The following COL25A1 variants were observed in gnomAD, a reference collection of about 807,000 sequenced individuals.
COL25A1 encodes the protein collagen alpha-1(XXV) chain.
Under a neutral mutation model 128.4 loss-of-function variants are expected in COL25A1, and 103 were observed. The observed-to-expected ratio is 0.80, with a 90% CI of 0.68 to 0.94. The LOEUF (loss-of-function observed/expected upper bound fraction) is 0.94. COL25A1 is among the 40% of genes least tolerant of loss of function. COL25A1 has a pLI of 0.00. For synonymous variants in COL25A1, 279 were observed against 277.2 expected (o/e 1.01, Z -0.06); for missense variants, 745 against 840.0 (o/e 0.89, Z 1.40).
At chr4:108,999,031 A>T (rs534881293) in intron 6 of COL25A1, among the ~76,000 whole-genome samples, 374 of 152,276 alleles carry the variant, frequency 2.5e-3, no homozygotes, top group African/African-American at 8.6e-3. Flanking sequence ...AACCTAAGCA[A>T]TACCATTGAG....
At chr4:109,157,491 C>G (rs1423718406) in intron 3 of COL25A1, among the ~76,000 whole-genome samples, 2 of 152,096 alleles carry the variant, frequency 1.3e-5, no homozygotes, top group Non-Finnish European at 2.9e-5. Flanking sequence ...TTCACCTGTA[C>G]TATTTCATAA....
At chr4:109,158,162 T>C (rs1031146775) in intron 3 of COL25A1, among the ~76,000 whole-genome samples, 37 of 152,328 alleles carry the variant, frequency 2.4e-4, no homozygotes, top group African/African-American at 8.9e-4. Flanking sequence ...ATCCAGCCTA[T>C]GGAGAGTTAT....
At position 109,160,880 on chromosome 4, in the gene COL25A1, G is replaced by C. The variant is rs925154270; in HGVS notation, c.368-110701C>G. Among the ~76,000 whole-genome samples, 31 of 151,980 alleles carry C rather than the reference G, an allele frequency of 2.0e-4. No individual in the cohort carries two copies. The East Asian group carries it at 6.0e-3, about 29-fold the overall frequency. ...TACCAACCTACATATTATGTAATTGGCTTATTTCCTTTTATTATAACAATA... is the reference window on the plus strand; with the variant it reads ...TACCAACCTACATATTATGTAATTGCCTTATTTCCTTTTATTATAACAATA... On this transcript the variant is annotated intron_variant, in intron 3 of 37. Transcript: ENST00000399132.
chr4:109,148,760 G>A (rs1342787097), intron 3 of COL25A1, among the ~76,000 whole-genome samples: 4 of 152,054 alleles, frequency 2.6e-5, no homozygotes, highest in Non-Finnish European at 5.9e-5. Flanking sequence ...TCCCACTCTG[G>A]CTTTAACCTC....
At chr4:109,138,711 TTTTTTG>T (rs1350633332) in intron 3 of COL25A1, among the ~76,000 whole-genome samples, 2 of 151,654 alleles carry the variant, frequency 1.3e-5, no homozygotes, top group Non-Finnish European at 1.5e-5. Context: ...TTGTTTTTTG[TTTTTTG>T]TTTTTTTTGA....
chr4:108,820,698 TACTC>T (rs1182181623), intron 35 of COL25A1, among the ~76,000 whole-genome samples: 1 of 149,774 alleles, frequency 6.7e-6, no homozygotes, highest in Non-Finnish European at 1.5e-5. Flanking sequence ...GTTTCCAGCT[TACTC>T]ACAATGTAAC....
intron 3 of COL25A1, among the ~76,000 whole-genome samples, chr4:109,085,186 T>C (rs1764242006): frequency 6.6e-6 from 1 of 152,148 alleles, no homozygotes; most frequent in Non-Finnish European, 1.5e-5. Context: ...TCCATCACCA[T>C]TACCGGACTG....
chr4:108,971,129 G>T (rs1226542720), intron 8 of COL25A1, among the ~76,000 whole-genome samples: 2 of 152,030 alleles, frequency 1.3e-5, no homozygotes. Flanking sequence ...CATTTAAAAT[G>T]AAAGAATTTT....
intron 3 of COL25A1, among the ~76,000 whole-genome samples, chr4:109,170,962 T>G (rs1307381999): frequency 1.3e-5 from 2 of 152,148 alleles, no homozygotes; most frequent in Admixed American, 1.3e-4. Flanking sequence ...GTAGAGGCAC[T>G]TCCCACAGGA....
intron 3 of COL25A1, among the ~76,000 whole-genome samples, chr4:109,170,427 T>C (rs566525944): frequency 1.3e-5 from 2 of 152,116 alleles, no homozygotes; most frequent in Admixed American, 1.3e-4. Context: ...TTTCAGGAGT[T>C]TGAACACCAA....
At position 108,974,257 on chromosome 4, in the gene COL25A1, A is replaced by G. The variant is rs1183766284; in HGVS notation, c.492+110T>C. ...AAGTGGTATGGTATTTTTGCCAGCC[A>G]TTACTGAACCATGTGGCACAAAGGC... On this transcript the variant is annotated intron_variant, in intron 8 of 37. Coordinates refer to ENST00000399132, the MANE Select transcript of COL25A1 (RefSeq NM_198721.4). The G allele has an allele frequency of 2.1e-5, 24 of 1,130,978 alleles. No individual in the cohort carries two copies. The East Asian group carries it at 5.5e-4, about 26-fold the overall frequency. 70.1% of individuals were successfully genotyped at this position (1,130,978 alleles called of 1,614,324 possible).
intron 8 of COL25A1, among the ~76,000 whole-genome samples, chr4:108,950,515 G>A (rs1749286607): frequency 6.6e-6 from 1 of 152,114 alleles, no homozygotes; most frequent in African/African-American, 2.4e-5. Flanking sequence ...TTTCCTTCCT[G>A]ATACTTCCGC....
chr4:108,938,026 A>G (rs1747644243), intron 10 of COL25A1, among the ~76,000 whole-genome samples, 183 bp from the exon 11 acceptor site: 1 of 152,212 alleles, frequency 6.6e-6, no homozygotes, highest in East Asian at 1.9e-4. Context: ...TTACAAATTT[A>G]GGGTTTAATA....
chr4:108,845,197 C>T lies in COL25A1; in HGVS notation c.1570G>A (p.Gly524Ser). The change falls in exon 29 of 38, where the codon GGT (glycine) becomes AGT (serine). Residue 524 changes from glycine (G) to serine (S), a missense_variant. By Grantham distance (56) the Gly-to-Ser change is moderately conservative (BLOSUM62 0). Transcript: ENST00000399132. The stretch of plus-strand genomic sequence containing the variant: ...AGCCACCATGGACTTACAGAAGGAC[C>T]CTGTGGACCCGGCATTCCAGAATCT... ...KGDSGMPGPQ[G>S]PSIIGPPGPP... The T allele has an allele frequency of 6.2e-7, 1 of 1,613,686 alleles. No individual in the cohort carries two copies. The highest frequency in any genetic ancestry group is 8.5e-7 in the Non-Finnish European group (1 of 1,179,634).
At chr4:109,034,863 T>G (rs920416444) in intron 5 of COL25A1, among the ~76,000 whole-genome samples, 1 of 152,182 alleles carries the variant, frequency 6.6e-6, no homozygotes, top group African/African-American at 2.4e-5. Flanking sequence ...AATACTCCAC[T>G]ATGGGGTTTT....
chr4:109,225,996 TACAC>T (rs10642927), intron 3 of COL25A1, among the ~76,000 whole-genome samples: 2,205 of 146,866 alleles, frequency 0.015, 20 homozygotes, highest in East Asian at 0.073. Context: ...GTATTTGTAA[TACAC>T]ACACACACAC....
At chr4:109,256,333 A>G (rs978069266) in intron 3 of COL25A1, among the ~76,000 whole-genome samples, 2 of 152,102 alleles carry the variant, frequency 1.3e-5, no homozygotes, top group Non-Finnish European at 2.9e-5. Flanking sequence ...AGTTGCAAAT[A>G]GCCTAGCCAT....
At chr4:109,295,020 C>T (rs1276669827) in intron 3 of COL25A1, among the ~76,000 whole-genome samples, 1 of 152,000 alleles carries the variant, frequency 6.6e-6, no homozygotes, top group African/African-American at 2.4e-5. Flanking sequence ...ATCAGAAGCA[C>T]AGTAGGATAT....
chr4:109,047,489 AG>A (rs1273234809), intron 5 of COL25A1, among the ~76,000 whole-genome samples: 22 of 152,142 alleles, frequency 1.4e-4, no homozygotes, highest in Non-Finnish European at 8.8e-5. Flanking sequence ...AAAGGTGTGA[AG>A]GGGGTGAGGG....
Sources: allele counts gnomAD v4.1 joint callset (sites outside exome capture counted in the v4.1 genomes callset), GRCh38; gene constraint gnomAD v4.1.1; transcripts MANE v1.5; gene names NCBI Gene and HGNC (gene_info 2026-07-23, HGNC 2026-07-21).